HLA-DQB2: variants seen among roughly 807,000 people sequenced by gnomAD.
HLA-DQB2 encodes major histocompatibility complex, class II, DQ beta 2.
HLA-DQB2 carries 24 observed loss-of-function variants against 29.2 expected under a neutral mutation model. The observed-to-expected ratio is 0.82, with a 90% confidence interval of 0.60 to 1.16. The LOEUF (loss-of-function observed/expected upper bound fraction) is 1.16, where lower values mean the gene tolerates loss of function less well. HLA-DQB2 is among the 50% of genes most tolerant of loss of function. The pLI, the probability that HLA-DQB2 is intolerant of heterozygous loss-of-function variation, is 0.00. For missense variants in HLA-DQB2, 273 were observed against 343.6 expected, an observed-to-expected ratio of 0.79 and a Z score of 1.62; for synonymous variants, 104 against 133.1, an observed-to-expected ratio of 0.78 and a Z score of 1.51.
At chr6:32,763,088 G>A (rs886454216) in intron 1 of HLA-DQB2, among the ~76,000 whole-genome samples, 1 of 151,552 alleles carries the variant, frequency 6.6e-6, no homozygotes, top group African/African-American at 2.4e-5. Context: ...TAACCGTGGA[G>A]TGCCATGGTC....
At chr6:32,757,929 A>C in intron 3 of HLA-DQB2, 46 bp from the exon 4 acceptor site, 8 of 974,618 alleles carry the variant, frequency 8.2e-6, no homozygotes, top group Non-Finnish European at 1.0e-5. Flanking sequence ...ACACCCCATA[A>C]TGTCCTTGGT....
intron 3 of HLA-DQB2, 24 bp downstream of exon 3, chr6:32,758,826 A>G: frequency 6.2e-7 from 1 of 1,603,582 alleles, no homozygotes; most frequent in Non-Finnish European, 8.5e-7. Context: ...GGCCCACAGT[A>G]AAAGGAAACC....
chr6:32,760,616 A>T (rs73402884), intron 2 of HLA-DQB2, among the ~76,000 whole-genome samples: 3,777 of 152,280 alleles, frequency 0.025, 132 homozygotes, highest in African/African-American at 0.075. Context: ...GTGGATAGTG[A>T]TGGGGGGAGG....
At position 32,759,836 on chromosome 6, in the gene HLA-DQB2, T is replaced by C. The variant is rs566398007; in HGVS notation, c.365-705A>G. Reference sequence around the variant, plus strand: ...TTGGCCTGGGTGAATGTGCCTGTAATGCAAACATATACATATAGCTGGGAT... The same window carrying C: ...TTGGCCTGGGTGAATGTGCCTGTAACGCAAACATATACATATAGCTGGGAT... On this transcript the variant is annotated intron_variant, in intron 2 of 5. Transcript: ENST00000437316. Among the ~76,000 whole-genome samples the C allele has an allele frequency of 1.2e-4, 18 of 152,392 alleles. No homozygotes were observed. In the South Asian group the frequency reaches 3.7e-3, roughly 32 times the overall value.
chr6:32,757,720 T>A, intron 4 of HLA-DQB2, 53 bp downstream of exon 4: 1 of 1,180,016 alleles, frequency 8.5e-7, no homozygotes, highest in Admixed American at 2.3e-5. Context: ...CCTCTCTGAA[T>A]AGAGGGTCTG....
At chr6:32,761,952 C>G in intron 1 of HLA-DQB2, 26 bp from the exon 2 acceptor site, 1 of 1,578,562 alleles carries the variant, frequency 6.3e-7, no homozygotes, top group Non-Finnish European at 8.6e-7. Flanking sequence ...GCGGGTCAGT[C>G]AGGCCCCAGC....
At chr6:32,759,319 C>G (rs1484373934) in intron 2 of HLA-DQB2, among the ~76,000 whole-genome samples, 188 bp from the exon 3 acceptor site, 4 of 151,496 alleles carry the variant, frequency 2.6e-5, no homozygotes, top group Non-Finnish European at 2.9e-5. Flanking sequence ...AACAACAAAC[C>G]CTGGTTCCTG....
chr6:32,760,865 T>C (rs2395258), intron 2 of HLA-DQB2, among the ~76,000 whole-genome samples: 80,100 of 147,792 alleles, frequency 0.54, 17,098 homozygotes, highest in East Asian at 0.63. Flanking sequence ...TTTACAGCAT[T>C]AAGCAAAATA....
chr6:32,757,025 C>CTTTT (rs9282285), intron 5 of HLA-DQB2: 3,479 of 1,240,762 alleles, frequency 2.8e-3, no homozygotes, highest in East Asian at 0.017. Flanking sequence ...TCATGCTCTT[C>CTTTT]TTTTTTTTTT....
Position 32,761,791 on chromosome 6 carries a change from A to T in HLA-DQB2, c.233T>A (p.Val78Glu), listed in dbSNP as rs1764852683. The T allele has an allele frequency of 6.3e-7, 1 of 1,591,968 alleles. No homozygotes were observed. The highest frequency in any genetic ancestry group is 1.8e-5 in the Admixed American group (1 of 57,024). Residue 78 changes from valine (V) to glutamate (E), a missense_variant, in exon 2 of 6, where the codon GTG becomes GAG. Physicochemically the swap from Val to Glu is moderately radical, Grantham distance 121. Transcript: ENST00000437316. ...FDSDVGEFQA[V>E]TELGRSIEDW... ...CTCGATGCTCCGCCCCAGCTCGGTCACCGCCTGGAACTCCCCAACGTCGCT... is the reference window on the plus strand; with the variant it reads ...CTCGATGCTCCGCCCCAGCTCGGTCTCCGCCTGGAACTCCCCAACGTCGCT...
At chr6:32,758,457 A>C (rs1004063904) in intron 3 of HLA-DQB2, among the ~76,000 whole-genome samples, 2 of 152,184 alleles carry the variant, frequency 1.3e-5, no homozygotes, top group Admixed American at 1.3e-4. Context: ...CATAAGCAGA[A>C]GCCACTATGC....
In HLA-DQB2 at chr6:32,756,147, A is replaced by G. The variant is rs1764246117; in HGVS notation, c.*306T>C. 1 of 439,368 alleles carries G rather than the reference A, an allele frequency of 2.3e-6. No individual in the cohort carries two copies. The highest frequency in any genetic ancestry group is 4.0e-6 in the Non-Finnish European group (1 of 248,326). The allele number at this position is 439,368 out of a possible 1,614,324, so 27.2% of individuals were successfully genotyped here. On this transcript the variant is annotated 3_prime_UTR_variant, in exon 6 of 6. Coordinates refer to ENST00000437316, the MANE Select transcript of HLA-DQB2 (RefSeq NM_001300790.2). ...GGGAAAAAGCACTAAAGTCAGGTAA[A>G]TGATTTTGTTTGTCATGCTTCTCTT...
intron 2 of HLA-DQB2, among the ~76,000 whole-genome samples, chr6:32,759,747 G>C (rs72500554): frequency 0.12 from 15,325 of 131,940 alleles, no homozygotes; most frequent in Middle Eastern, 0.16. Flanking sequence ...TTACTTTCTT[G>C]TTCTGAAATC....
chr6:32,756,565 G>A, intron 5 of HLA-DQB2, 99 bp from the exon 6 acceptor site: 1 of 1,527,920 alleles, frequency 6.5e-7, no homozygotes. Flanking sequence ...AACAGAGGAT[G>A]CTGAGGTCCA....
intron 1 of HLA-DQB2, 141 bp downstream of exon 1, chr6:32,763,233 A>G (rs1765004362): frequency 3.3e-6 from 2 of 612,522 alleles, no homozygotes; most frequent in South Asian, 2.1e-5. Flanking sequence ...AAAATGCAAC[A>G]TAGCTCTATT....
intron 5 of HLA-DQB2, chr6:32,757,026 T>TTC: frequency 2.5e-6 from 2 of 808,850 alleles, no homozygotes; most frequent in East Asian, 4.8e-5. Context: ...CATGCTCTTC[T>TTC]TTTTTTTTTT....
Position 32,759,047 on chromosome 6 carries a change from T to C in HLA-DQB2, c.449A>G (p.Tyr150Cys), listed in dbSNP as rs559050421. The C allele has an allele frequency of 5.0e-6, 8 of 1,614,184 alleles. No individual in the cohort carries two copies. Among genetic ancestry groups the C allele is most frequent in the African/African-American group, 4.0e-5 (3 of 75,074 alleles). Reference sequence around the variant, plus strand: ...CCACCGGACTTTGATCTGGGCTGGATAGAAATCTGTCACCGAGCAGACCAG... The same window carrying C: ...CCACCGGACTTTGATCTGGGCTGGACAGAAATCTGTCACCGAGCAGACCAG... Reference protein sequence around the residue: ...NLLVCSVTDFYPAQIKVRWFR... With the variant: ...NLLVCSVTDFCPAQIKVRWFR... Residue 150 changes from tyrosine to cysteine, a missense_variant, in exon 3 of 6, where the codon TAT (tyrosine) becomes TGT (cysteine). Physicochemically the swap from Tyr to Cys is radical, Grantham distance 194 (BLOSUM62 -2). Coordinates refer to ENST00000437316, the MANE Select transcript of HLA-DQB2 (RefSeq NM_001300790.2).
intron 5 of HLA-DQB2, chr6:32,757,027 T>C (rs1562214733): frequency 7.6e-7 from 1 of 1,313,676 alleles, no homozygotes; most frequent in African/African-American, 1.5e-5. Context: ...ATGCTCTTCT[T>C]TTTTTTTTTT....
Position 32,763,481 on chromosome 6 carries a change from G to T in HLA-DQB2, c.-11C>A. On this transcript the variant is annotated 5_prime_UTR_variant, in exon 1 of 6. Coordinates refer to ENST00000437316, the MANE Select transcript of HLA-DQB2 (RefSeq NM_001300790.2). ...GATCTGCAGAGCCATCTTCCAAGACGTAAGTGAGACCAAGGAAAAAGCAGT... is the reference window on the plus strand; with the variant it reads ...GATCTGCAGAGCCATCTTCCAAGACTTAAGTGAGACCAAGGAAAAAGCAGT... 6.5e-7 allele frequency: 1 copy of T among 1,538,968 alleles called. No individual in the cohort carries two copies. The highest frequency in any genetic ancestry group is 8.8e-7 in the Non-Finnish European group (1 of 1,135,302).
Sources: gnomAD v4.1 joint callset for allele counts (sites outside exome capture counted in the v4.1 genomes callset) on GRCh38, gnomAD v4.1.1 for gene constraint, MANE v1.5 for transcripts, NCBI Gene and HGNC (gene_info 2026-07-23, HGNC 2026-07-21) for gene names.